PLAC1: variants seen among roughly 807,000 people sequenced by gnomAD.
PLAC1 encodes placenta associated 1.
For synonymous variants in PLAC1, 68 were observed against 62.1 expected, an observed-to-expected ratio of 1.09 and a Z score of -0.44; for missense variants, 136 against 163.2, an observed-to-expected ratio of 0.83 and a Z score of 0.91.
intron 2 of PLAC1, among the ~76,000 whole-genome samples, chrX:134,716,667 A>T (rs941457336): frequency 8.9e-6 from 1 of 112,226 alleles, no homozygotes; most frequent in South Asian, 3.7e-4. Context: ...GTCATGTTCC[A>T]CTGGGCGAAG....
chrX:134,652,590 G>A (rs1323837834), intron 1 of PLAC1, among the ~76,000 whole-genome samples: 2 of 111,833 alleles, frequency 1.8e-5, no homozygotes, highest in South Asian at 3.8e-4. Context: ...ATCTGAAAGA[G>A]TCTAGCTGGC....
At chrX:134,675,092 T>C (rs1416105300) in intron 2 of PLAC1, among the ~76,000 whole-genome samples, 1 of 112,280 alleles carries the variant, frequency 8.9e-6, no homozygotes, top group Non-Finnish European at 1.9e-5. Context: ...CAGTCGTCAC[T>C]TAATGCATCG....
At chrX:134,585,406 C>T (rs1261557849) in intron 2 of PLAC1, among the ~76,000 whole-genome samples, 1 of 110,360 alleles carries the variant, frequency 9.1e-6, no homozygotes, top group East Asian at 2.8e-4. Flanking sequence ...ACACGTGTAA[C>T]TTCTTGATTA....
chrX:134,624,722 T>C (rs781721662), intron 1 of PLAC1, among the ~76,000 whole-genome samples: 28 of 111,904 alleles, frequency 2.5e-4, no homozygotes, highest in African/African-American at 8.7e-4. Flanking sequence ...AGGGGAATAG[T>C]ATCTTAATGG....
intron 2 of PLAC1, among the ~76,000 whole-genome samples, chrX:134,722,806 CT>C (rs2078662114): frequency 9.0e-6 from 1 of 111,046 alleles, no homozygotes; most frequent in African/African-American, 3.3e-5. Flanking sequence ...TTTTCTTCTT[CT>C]TACTTATGTA....
rs151287404 is a variant in PLAC1 at position 134,588,868 on chromosome X, T to G, written c.-59+13183A>C. 5.2e-3 allele frequency among the ~76,000 whole-genome samples: 580 copies of G among 111,503 alleles called. 3 individuals are homozygous for G. Among genetic ancestry groups the G allele is most frequent in the African/African-American group, 0.018 (556 of 30,648 alleles). ...TGGCCATGAGGAGAGCACTGGATAC[T>G]GAACATGGAACTCAGCCAGAAAGGA... is the stretch of plus-strand genomic sequence containing the variant. On this transcript the variant is annotated intron_variant, in intron 2 of 2. Coordinates refer to ENST00000359237, the MANE Select transcript of PLAC1 (RefSeq NM_021796.4).
At chrX:134,615,935 G>A (rs1323898542) in intron 1 of PLAC1, among the ~76,000 whole-genome samples, 1 of 110,082 alleles carries the variant, frequency 9.1e-6, no homozygotes, top group African/African-American at 3.3e-5. Flanking sequence ...TGGTCTATGT[G>A]TTTTTTTAAT....
intron 1 of PLAC1, among the ~76,000 whole-genome samples, chrX:134,651,912 C>A (rs2078365388): frequency 9.0e-6 from 1 of 111,138 alleles, no homozygotes; most frequent in Non-Finnish European, 1.9e-5. Flanking sequence ...ACAAAGGAAG[C>A]TCACCTAGAG....
intron 2 of PLAC1, among the ~76,000 whole-genome samples, chrX:134,691,017 T>C (rs1252631266): frequency 1.7e-5 from 1 of 58,566 alleles, no homozygotes; most frequent in African/African-American, 6.1e-5. Context: ...TATATATATA[T>C]ATATGTATAT....
chrX:134,602,273 C>T (rs1353848457), intron 1 of PLAC1, among the ~76,000 whole-genome samples, 151 bp from the exon 2 acceptor site: 1 of 112,154 alleles, frequency 8.9e-6, no homozygotes, highest in Non-Finnish European at 1.9e-5. Context: ...TAGAGAAGGC[C>T]CCCTATGTGA....
chrX:134,740,535 C>T (rs1292264807), intron 1 of PLAC1, among the ~76,000 whole-genome samples: 12 of 111,355 alleles, frequency 1.1e-4, no homozygotes, highest in African/African-American at 3.9e-4. Context: ...TTACCTTTGA[C>T]ATGGAAGTCG....
At chrX:134,715,724 G>A (rs1304342030) in intron 2 of PLAC1, among the ~76,000 whole-genome samples, 1 of 112,081 alleles carries the variant, frequency 8.9e-6, no homozygotes, top group Non-Finnish European at 1.9e-5. Context: ...TGAAATGCTA[G>A]AAGAATTAAG....
intron 2 of PLAC1, among the ~76,000 whole-genome samples, chrX:134,703,278 C>A (rs1430076090): frequency 9.0e-6 from 1 of 110,886 alleles, no homozygotes; most frequent in Non-Finnish European, 1.9e-5. Context: ...AATTTTTAAC[C>A]AGAGAGAAAA....
At chrX:134,752,825 C>T (rs946075371) in intron 1 of PLAC1, among the ~76,000 whole-genome samples, 2 of 111,412 alleles carry the variant, frequency 1.8e-5, no homozygotes, top group Admixed American at 9.6e-5. Flanking sequence ...TGATCTTTTA[C>T]AGCTAGAAGG....
chrX:134,609,983 A>AT (rs35018435), intron 1 of PLAC1, among the ~76,000 whole-genome samples: 44 of 104,642 alleles, frequency 4.2e-4, no homozygotes, highest in African/African-American at 9.4e-4. Context: ...AGTGGAAGAA[A>AT]TTTTTTTTTT....
At chrX:134,644,671 C>G (rs766857786) in intron 1 of PLAC1, among the ~76,000 whole-genome samples, 1 of 109,459 alleles carries the variant, frequency 9.1e-6, no homozygotes, top group African/African-American at 3.3e-5. Flanking sequence ...TCAGGTCCCA[C>G]TTATAAGCAA....
chrX:134,621,463 A>G (rs982706804), intron 1 of PLAC1, among the ~76,000 whole-genome samples: 4 of 108,008 alleles, frequency 3.7e-5, no homozygotes, highest in Non-Finnish European at 5.8e-5. Context: ...AAAAAAAAAA[A>G]AAAAAAAAAA....
At chrX:134,614,905 C>G (rs2078172515) in intron 1 of PLAC1, among the ~76,000 whole-genome samples, 2 of 111,492 alleles carry the variant, frequency 1.8e-5, no homozygotes, top group East Asian at 5.6e-4. Context: ...CCTGCCTCGG[C>G]CTCCCAAAGC....
At chrX:134,658,641 G>A (rs1198489784), upstream of PLAC1, among the ~76,000 whole-genome samples, 3 of 112,256 alleles carry the variant, frequency 2.7e-5, no homozygotes, top group African/African-American at 9.7e-5. Context: ...TTTGTTTACA[G>A]AGTAAAAGAA....
Sources: allele counts gnomAD v4.1 joint callset (sites outside exome capture counted in the v4.1 genomes callset), GRCh38; gene constraint gnomAD v4.1.1; transcripts MANE v1.5; gene names NCBI Gene and HGNC (gene_info 2026-07-23, HGNC 2026-07-21).